ARMC3: variants seen among roughly 807,000 people sequenced by gnomAD.
ARMC3 encodes the protein armadillo repeat containing 3, also known as armadillo repeat-containing protein 3.
A neutral mutation model predicts 90.3 loss-of-function variants in ARMC3; 74 were observed. That is an observed-to-expected ratio of 0.82 (90% CI 0.68 to 0.99). The LOEUF (loss-of-function observed/expected upper bound fraction) is 0.99, where lower values mean the gene tolerates loss of function less well. Ranked by LOEUF, ARMC3 falls within the 50% of genes least tolerant of loss-of-function variation. ARMC3 has a pLI of 0.00. For missense variants in ARMC3, 958 were observed against 1,042.8 expected, an observed-to-expected ratio of 0.92 and a Z score of 1.12; for synonymous variants, 334 against 361.8, an observed-to-expected ratio of 0.92 and a Z score of 0.87.
chr10:22,950,516 G>A (rs530912921), intron 3 of ARMC3, among the ~76,000 whole-genome samples: 2 of 151,852 alleles, frequency 1.3e-5, no homozygotes, highest in South Asian at 4.2e-4. Flanking sequence ...GAAATAAAAT[G>A]GAATCAGTAA....
rs909207737 is a variant in ARMC3 at position 23,038,406 on chromosome 10, C to G, written c.*927C>G. The G allele has an allele frequency of 5.9e-5, 9 of 151,930 alleles. No individual in the cohort carries two copies. Among genetic ancestry groups the G allele is most frequent in the African/African-American group, 2.2e-4 (9 of 41,362 alleles). The allele number at this position is 151,930 out of a possible 1,614,324, so 9.4% of individuals were successfully genotyped here. A position where few individuals can be genotyped will look rare whatever the true frequency, so the allele number is the denominator to read the frequency against. On this transcript the variant is annotated 3_prime_UTR_variant, in exon 19 of 19. Coordinates refer to ENST00000298032, the MANE Select transcript of ARMC3 (RefSeq NM_173081.5). ...CAGTGTTGACCTGTATAGTCATTTTCCTAGAAGACGTTTTAAAGTGAATTT... is the reference window on the plus strand; with the variant it reads ...CAGTGTTGACCTGTATAGTCATTTTGCTAGAAGACGTTTTAAAGTGAATTT...
rs1837731090 is a variant in ARMC3 at position 23,008,336 on chromosome 10, TTCATC to T, written c.1892_1896del (p.Ser631PhefsTer7). ...TTGGTTATGGACGAAGTATTTCTTC[TTCATC>T]TTCCTTAAGAAGATCAAGTAAAGAA... On this transcript the variant is annotated frameshift_variant, in exon 15 of 19. Transcript: ENST00000298032. 2.6e-6 allele frequency: 4 copies of T among 1,548,786 alleles called. No individual in the cohort carries two copies. Among genetic ancestry groups the T allele is most frequent in the Non-Finnish European group, 3.5e-6 (4 of 1,134,574 alleles).
chr10:23,020,761 G>A (rs1406730561), intron 16 of ARMC3, among the ~76,000 whole-genome samples: 2 of 152,032 alleles, frequency 1.3e-5, no homozygotes, highest in Non-Finnish European at 2.9e-5. Context: ...ATCTGTTCAA[G>A]TATTTTGTCC....
At chr10:22,947,527 G>A (rs987933479) in intron 3 of ARMC3, among the ~76,000 whole-genome samples, 1 of 152,130 alleles carries the variant, frequency 6.6e-6, no homozygotes, top group Non-Finnish European at 1.5e-5. Flanking sequence ...CCTCAAAACT[G>A]TCATGGCTAT....
At chr10:23,020,634 C>G (rs1238869115) in intron 16 of ARMC3, among the ~76,000 whole-genome samples, 3 of 152,190 alleles carry the variant, frequency 2.0e-5, no homozygotes. Context: ...TTTATCCATT[C>G]TAATATGTAA....
rs1838643805 is a variant in ARMC3 at position 23,024,621 on chromosome 10, C to G, written c.2046-5975C>G. Reference sequence around the variant, plus strand: ...GCAGTAAAATGTGGATACCAGTACACTGTGATAAGCCATATTTGTACATTG... The same window carrying G: ...GCAGTAAAATGTGGATACCAGTACAGTGTGATAAGCCATATTTGTACATTG... On this transcript the variant is annotated intron_variant, in intron 16 of 18. Transcript: ENST00000298032. 5.3e-5 allele frequency among the ~76,000 whole-genome samples: 8 copies of G among 152,156 alleles called. No individual in the cohort carries two copies. The South Asian group carries it at 1.7e-3, about 31-fold the overall frequency.
At chr10:23,031,116 C>T (rs929887766) in intron 17 of ARMC3, 25 of 234,814 alleles carry the variant, frequency 1.1e-4, no homozygotes, top group Non-Finnish European at 1.5e-4. Flanking sequence ...TTAAATCATC[C>T]CTTAGGTGGA....
intron 16 of ARMC3, among the ~76,000 whole-genome samples, chr10:23,028,214 T>C (rs1838793676): frequency 6.6e-6 from 1 of 152,240 alleles, no homozygotes; most frequent in Admixed American, 6.5e-5. Context: ...ATTTTTATTG[T>C]TCTATCTTCA....
chr10:22,932,032 T>C lies in ARMC3; in HGVS notation c.36T>C (p.Pro12=). Reference sequence around the variant, plus strand: ...AGATAAAGAAGGAAGTAGAGCCTCCTCCTAAGGATGTGGTAAGTTTCTGAT... The same window carrying C: ...AGATAAAGAAGGAAGTAGAGCCTCCCCCTAAGGATGTGGTAAGTTTCTGAT... ...GKKIKKEVEP[P]PKDVFDPLMI... Residue 12 remains proline, a synonymous_variant, in exon 2 of 19, where the codon CCT becomes CCC. Transcript: ENST00000298032. 1 of 1,602,354 alleles carries C rather than the reference T, an allele frequency of 6.2e-7. No homozygotes were observed. Among genetic ancestry groups the C allele is most frequent in the South Asian group, 1.1e-5 (1 of 88,536 alleles).
chr10:22,963,930 A>C lies in ARMC3; in HGVS notation c.732+1852A>C, dbSNP rs1258081831. ...ACACACACACACACACACAAAAAAA[A>C]AAAAAAAAAAAAAAAAAAAAGACTA... On this transcript the variant is annotated intron_variant, in intron 7 of 18. Transcript: ENST00000298032. Among the ~76,000 whole-genome samples the C allele has an allele frequency of 6.9e-3, 713 of 102,766 alleles. 3 individuals are homozygous for C. The highest frequency in any genetic ancestry group is 8.0e-3 in the Non-Finnish European group (393 of 49,208). 67.4% of individuals were successfully genotyped at this position (102,766 alleles called of 152,430 possible). A position where few individuals can be genotyped will look rare whatever the true frequency, so the allele number is the denominator to read the frequency against.
intron 16 of ARMC3, chr10:23,014,442 G>C (rs1838174029): frequency 9.3e-7 from 1 of 1,079,552 alleles, no homozygotes; most frequent in Non-Finnish European, 1.1e-6. Context: ...TTAAAACTTT[G>C]GACTCCTGGA....
At chr10:23,008,767 G>GT (rs1564391877) in intron 15 of ARMC3, 48 bp from the exon 16 acceptor site, 1 of 1,477,382 alleles carries the variant, frequency 6.8e-7, no homozygotes, top group Admixed American at 1.7e-5. Flanking sequence ...ATGTATTGTT[G>GT]TTTTCCATAT....
chr10:22,951,475 C>A (rs1448510771), intron 3 of ARMC3, among the ~76,000 whole-genome samples: 1 of 150,614 alleles, frequency 6.6e-6, no homozygotes, highest in African/African-American at 2.4e-5. Context: ...ATTTTTTTTT[C>A]AAGTGGATAC....
intron 1 of ARMC3, among the ~76,000 whole-genome samples, chr10:22,929,941 T>C (rs1833866605): frequency 6.6e-6 from 1 of 152,228 alleles, no homozygotes; most frequent in African/African-American, 2.4e-5. Context: ...TTCTAACCTC[T>C]GCACTATGCA....
rs140065816 is a variant in ARMC3 at position 22,949,687 on chromosome 10, G to A, written c.166+3426G>A. 6.0e-3 allele frequency among the ~76,000 whole-genome samples: 920 copies of A among 152,260 alleles called. 11 individuals carry two copies. The highest frequency in any genetic ancestry group is 0.02 in the African/African-American group (841 of 41,548). ...AAAGGGAGACAGGGACAGAAAAAGC[G>A]TTTGAAGAAATAATGGCCAAACTTT... On this transcript the variant is annotated intron_variant, in intron 3 of 18. Transcript: ENST00000298032.
chr10:23,028,285 TC>T, intron 16 of ARMC3, among the ~76,000 whole-genome samples: 1 of 152,250 alleles, frequency 6.6e-6, no homozygotes. Flanking sequence ...GTAGTTATGT[TC>T]TTTTAAACTT....
chr10:22,965,671 G>A (rs1835411374), intron 7 of ARMC3, among the ~76,000 whole-genome samples: 1 of 151,824 alleles, frequency 6.6e-6, no homozygotes, highest in Non-Finnish European at 1.5e-5. Context: ...ATGTTATCTT[G>A]CTTGATATTT....
intron 16 of ARMC3, among the ~76,000 whole-genome samples, chr10:23,028,295 T>G (rs1332472863): frequency 6.6e-6 from 1 of 152,254 alleles, no homozygotes. Context: ...TCTTTTAAAC[T>G]TTTAATTACG....
intron 3 of ARMC3, among the ~76,000 whole-genome samples, chr10:22,946,918 G>A (rs770782667): frequency 2.4e-4 from 36 of 152,176 alleles, no homozygotes; most frequent in Non-Finnish European, 5.3e-4. Context: ...TCAGCACTTC[G>A]GGAGGCCAAG....
Sources: gnomAD v4.1 joint callset for allele counts (sites outside exome capture counted in the v4.1 genomes callset) on GRCh38, gnomAD v4.1.1 for gene constraint, MANE v1.5 for transcripts, NCBI Gene and HGNC (gene_info 2026-07-23, HGNC 2026-07-21) for gene names.